Variants in SCN3A observed in about 807,000 individuals in gnomAD.
SCN3A encodes the protein sodium voltage-gated channel alpha subunit 3.
Under a neutral mutation model 187.6 loss-of-function variants are expected in SCN3A, and 60 were observed. The observed-to-expected ratio is 0.32, with a 90% CI of 0.26 to 0.40. The LOEUF (loss-of-function observed/expected upper bound fraction) is 0.40, where lower values mean the gene tolerates loss of function less well. Among genes scored for constraint, SCN3A ranks in the 10% least tolerant of loss-of-function variants. The pLI, the probability that SCN3A is intolerant of heterozygous loss-of-function variation, is 1.00. For missense variants in SCN3A, 1,601 were observed against 2,428.2 expected (o/e 0.66, Z 7.16); for synonymous variants, 788 against 829.2 (o/e 0.95, Z 0.85).
intron 11 of SCN3A, among the ~76,000 whole-genome samples, chr2:165,149,149 C>A (rs1688525780): frequency 6.6e-6 from 1 of 150,724 alleles, no homozygotes; most frequent in South Asian, 2.1e-4. Flanking sequence ...CATAATCCTA[C>A]AACTTATGTC....
intron 1 of SCN3A, among the ~76,000 whole-genome samples, chr2:165,197,713 A>G (rs755445887): frequency 2.6e-4 from 39 of 151,108 alleles, no homozygotes; most frequent in Non-Finnish European, 5.0e-4. Context: ...CCAGGTATAT[A>G]TATTTGATTT....
chr2:165,127,716 A>G lies in SCN3A; in HGVS notation c.3308T>C (p.Val1103Ala). ...FINNPSLTVT[V>A]PIAVGESDFE... ...GTCAGACTCTCCAACAGCAATTGGC[A>G]CTGTGACGGTGAGGCTGGGGTTGTT... The change falls in exon 18 of 28, where the codon GTG (valine) becomes GCG (alanine). Residue 1103 changes from valine (V) to alanine (A), a missense_variant. Physicochemically the swap from Val to Ala is moderately conservative, Grantham distance 64. Coordinates refer to ENST00000283254, the MANE Select transcript of SCN3A (RefSeq NM_006922.4). The G allele has an allele frequency of 6.2e-7, 1 of 1,614,170 alleles. No individual in the cohort carries two copies. The highest frequency in any genetic ancestry group is 1.7e-4 in the Middle Eastern group (1 of 6,060).
At chr2:165,139,689 T>C in intron 13 of SCN3A, 81 bp from the exon 14 acceptor site, 1 of 1,540,570 alleles carries the variant, frequency 6.5e-7, no homozygotes, top group Non-Finnish European at 9.0e-7. Flanking sequence ...TGGCAAATCA[T>C]GCTACATGCA....
At chr2:165,154,907 C>A (rs767092030) in intron 10 of SCN3A, among the ~76,000 whole-genome samples, 3 of 151,914 alleles carry the variant, frequency 2.0e-5, no homozygotes, top group Non-Finnish European at 4.4e-5. Flanking sequence ...ATATGTGAGC[C>A]CCACTATAAT....
intron 21 of SCN3A, among the ~76,000 whole-genome samples, chr2:165,111,779 A>G (rs1236058830): frequency 6.6e-6 from 1 of 152,184 alleles, no homozygotes; most frequent in Non-Finnish European, 1.5e-5. Flanking sequence ...ATTTGTGCAT[A>G]GCTTTTCAGA....
intron 26 of SCN3A, chr2:165,093,089 AT>A (rs1685193621): frequency 6.5e-6 from 1 of 152,836 alleles, no homozygotes; most frequent in Admixed American, 6.5e-5. Context: ...ATTTGTGACA[AT>A]TGGCTGATAA....
At chr2:165,094,190 T>A (rs1379438221) in intron 26 of SCN3A, 184 bp downstream of exon 26, 2 of 633,316 alleles carry the variant, frequency 3.2e-6, no homozygotes, top group Non-Finnish European at 5.7e-6. Flanking sequence ...CATTACCTCC[T>A]TTTTTTGGAA....
intron 5 of SCN3A, among the ~76,000 whole-genome samples, chr2:165,164,944 A>G (rs989411096): frequency 3.2e-4 from 49 of 152,168 alleles, no homozygotes; most frequent in African/African-American, 1.2e-3. Flanking sequence ...ATATATCTAA[A>G]ATATGAAAAT....
At chr2:165,114,546 C>T (rs904785297) in intron 19 of SCN3A, among the ~76,000 whole-genome samples, 1 of 152,214 alleles carries the variant, frequency 6.6e-6, no homozygotes, top group African/African-American at 2.4e-5. Flanking sequence ...CTCCCATCCA[C>T]TCTTCTGCTG....
rs767093148 is a variant in SCN3A, at chr2:165,094,523, G to A, written c.4432-45C>T. 6 of 1,240,868 alleles carry A rather than the reference G, an allele frequency of 4.8e-6. No individual in the cohort carries two copies. In the Admixed American group the frequency reaches 5.2e-5, roughly 11 times the overall value. The allele number at this position is 1,240,868 out of a possible 1,614,324, so 76.9% of individuals were successfully genotyped here. A position where few individuals can be genotyped will look rare whatever the true frequency, so the allele number is the denominator to read the frequency against. On this transcript the variant is annotated intron_variant, in intron 25 of 27. Coordinates refer to ENST00000283254, the MANE Select transcript of SCN3A (RefSeq NM_006922.4). ...CTGGTTACAATTCTGTGTTCCAATA[G>A]TACTTTCACAAAAAATATTTGTCTT... is the stretch of plus-strand genomic sequence containing the variant.
At chr2:165,118,831 C>T (rs1393803590) in intron 18 of SCN3A, among the ~76,000 whole-genome samples, 4 of 151,870 alleles carry the variant, frequency 2.6e-5, no homozygotes, top group East Asian at 1.9e-4. Context: ...GGCGCAGTCT[C>T]GGCTCACTGC....
In SCN3A at chr2:165,091,256, G is replaced by A. The variant is rs770743040; in HGVS notation, c.4897C>T (p.Arg1633Cys). Reference sequence around the variant, plus strand: ...ATCCCCTTTGCTCCTTTGATCAGACGTAGGATTCGGCCAATCCTGGCAAGA... The same window carrying A: ...ATCCCCTTTGCTCCTTTGATCAGACATAGGATTCGGCCAATCCTGGCAAGA... ...IRLARIGRIL[R>C]LIKGAKGIRT... The change falls in exon 28 of 28, where the codon CGT (arginine) becomes TGT (cysteine). Residue 1633 changes from arginine to cysteine, a missense_variant. Arg to Cys is a radical substitution (Grantham distance 180, BLOSUM62 -3). Coordinates refer to ENST00000283254, the MANE Select transcript of SCN3A (RefSeq NM_006922.4). The A allele has an allele frequency of 1.9e-6, 3 of 1,614,084 alleles. No homozygotes were observed. Among genetic ancestry groups the A allele is most frequent in the Non-Finnish European group, 2.5e-6 (3 of 1,179,994 alleles).
intron 15 of SCN3A, among the ~76,000 whole-genome samples, chr2:165,134,676 G>T (rs1012637401): frequency 6.6e-6 from 1 of 151,898 alleles, no homozygotes; most frequent in Non-Finnish European, 1.5e-5. Flanking sequence ...ACACATCAAA[G>T]ATTTTTTTTT....
At chr2:165,116,692 G>A (rs926503464) in intron 18 of SCN3A, among the ~76,000 whole-genome samples, 2 of 152,048 alleles carry the variant, frequency 1.3e-5, no homozygotes, top group South Asian at 2.1e-4. Flanking sequence ...TAATGAAGAC[G>A]TAATGCAAAT....
At chr2:165,175,087 C>T (rs894740575) in intron 3 of SCN3A, among the ~76,000 whole-genome samples, 2 of 152,118 alleles carry the variant, frequency 1.3e-5, no homozygotes, top group African/African-American at 4.8e-5. Flanking sequence ...GGACTAATTC[C>T]ATGTCTGAAT....
At position 165,135,169 on chromosome 2, in the gene SCN3A, T is replaced by C. The variant is rs977637011; in HGVS notation, c.2391+2710A>G. Among the ~76,000 whole-genome samples the C allele has an allele frequency of 1.3e-5, 2 of 151,996 alleles. 1 individual carries two copies. The highest frequency in any genetic ancestry group is 6.3e-3 in the Middle Eastern group (2 of 316). ...CTAACCTACTATGATTGATAGGCTATTTTTTGCTGATTGAATCCCTATGAT... is the reference window on the plus strand; with the variant it reads ...CTAACCTACTATGATTGATAGGCTACTTTTTGCTGATTGAATCCCTATGAT... On this transcript the variant is annotated intron_variant, in intron 15 of 27. Coordinates refer to ENST00000283254, the MANE Select transcript of SCN3A (RefSeq NM_006922.4).
In SCN3A at chr2:165,097,562, T is replaced by C. The variant is rs749037237; in HGVS notation, c.3967-38A>G. On this transcript the variant is annotated intron_variant, in intron 22 of 27. Transcript: ENST00000283254. ...GCGAGGGGAACATAGCTTACAAACC[T>C]TTTGAATGGAAACCATTCCTTCAAT... 2.5e-6 allele frequency: 4 copies of C among 1,609,622 alleles called. No homozygotes were observed. In the Admixed American group the frequency reaches 6.7e-5, roughly 27 times the overall value.
intron 18 of SCN3A, among the ~76,000 whole-genome samples, chr2:165,123,464 A>G (rs1046876845): frequency 7.9e-5 from 12 of 152,292 alleles, no homozygotes; most frequent in Admixed American, 6.5e-4. Context: ...ATCTAAATTA[A>G]TGATTAATTT....
chr2:165,116,736 A>T (rs1462482953), intron 18 of SCN3A, among the ~76,000 whole-genome samples: 1 of 152,160 alleles, frequency 6.6e-6, no homozygotes, highest in Non-Finnish European at 1.5e-5. Context: ...AACTAATTAA[A>T]GGGTAGTATC....
Sources: allele counts gnomAD v4.1 joint callset (sites outside exome capture counted in the v4.1 genomes callset), GRCh38; gene constraint gnomAD v4.1.1; transcripts MANE v1.5; gene names NCBI Gene and HGNC (gene_info 2026-07-23, HGNC 2026-07-21).